Variants in CRADD observed in about 807,000 individuals in gnomAD.
CRADD encodes death domain-containing protein CRADD.
In CRADD, 9 loss-of-function variants were observed where a neutral mutation model predicts 15.5. The observed-to-expected ratio is 0.58, with a 90% CI of 0.35 to 1.01. The LOEUF (loss-of-function observed/expected upper bound fraction) is 1.01, where lower values mean the gene tolerates loss of function less well. Ranked by LOEUF, CRADD falls within the 50% of genes least tolerant of loss-of-function variation. The pLI is 0.02. For synonymous variants in CRADD, 118 were observed against 107.6 expected (o/e 1.10, Z -0.60); for missense variants, 227 against 250.3 (o/e 0.91, Z 0.63).
At chr12:93,685,793 A>G (rs947071001) in intron 2 of CRADD, among the ~76,000 whole-genome samples, 6 of 152,142 alleles carry the variant, frequency 3.9e-5, no homozygotes, top group African/African-American at 1.4e-4. Flanking sequence ...GGAGTTTGAG[A>G]CCAGCCTGGC....
intron 2 of CRADD, among the ~76,000 whole-genome samples, chr12:93,687,447 G>A (rs1955463079): frequency 6.6e-6 from 1 of 152,186 alleles, no homozygotes; most frequent in African/African-American, 2.4e-5. Flanking sequence ...TCTACTCCAG[G>A]TGAATCCATT....
intron 2 of CRADD, among the ~76,000 whole-genome samples, chr12:93,844,369 A>G (rs1216315345): frequency 6.6e-6 from 1 of 152,158 alleles, no homozygotes; most frequent in East Asian, 1.9e-4. Context: ...TCATGAGGAT[A>G]CTGTCCCTGA....
intron 2 of CRADD, among the ~76,000 whole-genome samples, chr12:93,836,727 C>T (rs537381112): frequency 6.6e-6 from 1 of 152,204 alleles, no homozygotes; most frequent in South Asian, 2.1e-4. Flanking sequence ...TGAATCATTC[C>T]TTTTCATTCA....
At chr12:93,843,910 C>T (rs915616175) in intron 2 of CRADD, among the ~76,000 whole-genome samples, 7 of 150,810 alleles carry the variant, frequency 4.6e-5, no homozygotes, top group South Asian at 2.1e-4. Flanking sequence ...TTAGTAGAGA[C>T]GAGGTTTCAC....
intron 2 of CRADD, among the ~76,000 whole-genome samples, chr12:93,715,971 A>G (rs1312784750): frequency 3.3e-5 from 5 of 151,990 alleles, no homozygotes; most frequent in African/African-American, 1.2e-4. Flanking sequence ...GTGAAATACA[A>G]AAATACAAAA....
intron 2 of CRADD, chr12:93,714,751 G>T (rs1344848766): frequency 6.6e-6 from 1 of 152,176 alleles, no homozygotes; most frequent in Non-Finnish European, 1.5e-5. Context: ...AGCCCCTACT[G>T]CGTCTGTCAC....
intron 2 of CRADD, among the ~76,000 whole-genome samples, chr12:93,768,324 A>C (rs1957047103): frequency 6.6e-6 from 1 of 152,222 alleles, no homozygotes; most frequent in Admixed American, 6.5e-5. Context: ...TTGCTTCACA[A>C]GTGTATTTAA....
chr12:93,827,566 A>G (rs1316225253), intron 2 of CRADD, among the ~76,000 whole-genome samples: 2 of 152,162 alleles, frequency 1.3e-5, no homozygotes, highest in African/African-American at 4.8e-5. Flanking sequence ...CTCTTTATTA[A>G]ACACCTAGAA....
intron 2 of CRADD, among the ~76,000 whole-genome samples, chr12:93,803,196 T>C (rs1445935748): frequency 6.6e-6 from 1 of 152,164 alleles, no homozygotes; most frequent in Non-Finnish European, 1.5e-5. Flanking sequence ...TGCCTTGCAG[T>C]TAAGGGAAAC....
At chr12:93,763,408 A>C (rs1956991880) in intron 2 of CRADD, among the ~76,000 whole-genome samples, 1 of 151,968 alleles carries the variant, frequency 6.6e-6, no homozygotes, top group African/African-American at 2.4e-5. Context: ...GGGCAAATTC[A>C]CAGCTCAGTT....
At chr12:93,875,210 T>C (rs1565945998) in intron 2 of CRADD, among the ~76,000 whole-genome samples, 1 of 152,098 alleles carries the variant, frequency 6.6e-6, no homozygotes, top group East Asian at 1.9e-4. Flanking sequence ...GCTTGAAAGC[T>C]ATTTTGTCTG....
intron 2 of CRADD, among the ~76,000 whole-genome samples, chr12:93,779,417 A>G (rs1957174784): frequency 6.6e-6 from 1 of 152,154 alleles, no homozygotes; most frequent in South Asian, 2.1e-4. Context: ...GATTTTAGGA[A>G]AATATATTTC....
At chr12:93,888,282 G>A (rs998482235) in intron 2 of CRADD, among the ~76,000 whole-genome samples, 4 of 152,064 alleles carry the variant, frequency 2.6e-5, no homozygotes, top group East Asian at 1.9e-4. Flanking sequence ...AAAAATTAGC[G>A]GGCATGGTGG....
chr12:93,764,359 G>A (rs956836799), intron 2 of CRADD, among the ~76,000 whole-genome samples: 1 of 151,976 alleles, frequency 6.6e-6, no homozygotes, highest in African/African-American at 2.4e-5. Flanking sequence ...AATGTTTAGG[G>A]ATACAAGAGA....
At chr12:93,761,025 C>T (rs929626723) in intron 2 of CRADD, among the ~76,000 whole-genome samples, 1 of 151,932 alleles carries the variant, frequency 6.6e-6, no homozygotes, top group Non-Finnish European at 1.5e-5. Flanking sequence ...AGGAGTCTAG[C>T]GAACAGGGTG....
At chr12:93,828,231 C>T (rs1957848459) in intron 2 of CRADD, among the ~76,000 whole-genome samples, 1 of 152,116 alleles carries the variant, frequency 6.6e-6, no homozygotes, top group Non-Finnish European at 1.5e-5. Flanking sequence ...ATATGATTTG[C>T]AAATATTTTT....
At chr12:93,729,701 C>G (rs980549437) in intron 2 of CRADD, among the ~76,000 whole-genome samples, 1 of 150,566 alleles carries the variant, frequency 6.6e-6, no homozygotes, top group Non-Finnish European at 1.5e-5. Context: ...AGGAGAATTG[C>G]TTGAACCTGG....
At chr12:93,699,294 A>G (rs1169308122) in intron 2 of CRADD, among the ~76,000 whole-genome samples, 2 of 152,212 alleles carry the variant, frequency 1.3e-5, no homozygotes, top group African/African-American at 4.8e-5. Flanking sequence ...TACCAGGGCC[A>G]TTGAAGCTTT....
chr12:93,710,731 C>T (rs558604767), intron 2 of CRADD, among the ~76,000 whole-genome samples: 88 of 152,186 alleles, frequency 5.8e-4, no homozygotes, highest in African/African-American at 2.1e-3. Context: ...ACAAGGCCAG[C>T]CCAAATTCAA....
Sources: gnomAD v4.1 joint callset for allele counts (sites outside exome capture counted in the v4.1 genomes callset) on GRCh38, gnomAD v4.1.1 for gene constraint, MANE v1.5 for transcripts, NCBI Gene and HGNC (gene_info 2026-07-23, HGNC 2026-07-21) for gene names.